Variants in CCNP observed in about 807,000 individuals in gnomAD.
CCNP encodes the protein cyclin P.
CCNP carries 18 observed loss-of-function variants against 19.6 expected under a neutral mutation model. That is an observed-to-expected ratio of 0.92 (90% CI 0.64 to 1.36). The LOEUF is 1.36. Ranked by LOEUF, CCNP falls within the 40% of genes most tolerant of loss-of-function variation. CCNP has a pLI of 0.00. For missense variants in CCNP, 440 were observed against 424.4 expected (o/e 1.04, Z -0.32); for synonymous variants, 228 against 194.9 (o/e 1.17, Z -1.41).
Position 40,226,441 on chromosome 19 carries a change from C to G in CCNP, c.201G>C (p.Glu67Asp). Residue 67 changes from glutamate (E) to aspartate (D), a missense_variant, in exon 1 of 5, where the codon GAG (glutamate) becomes GAC (aspartate). Physicochemically the swap from Glu to Asp is conservative, Grantham distance 45. Coordinates refer to ENST00000430325, the MANE Select transcript of CCNP (RefSeq NM_024877.4). ...CCTGCAGCCCCAGCGCGCTCAGCGC[C>G]TCCTCCAGCCCCGGCGGCCTCGCCA... ...RRLARPPGLE[E>D]ALSALGLQGE... is the part of the protein sequence containing the mutation. The G allele has an allele frequency of 6.2e-7, 1 of 1,609,126 alleles. No homozygotes were observed. The highest frequency in any genetic ancestry group is 1.1e-5 in the South Asian group (1 of 90,978).
Position 40,224,808 on chromosome 19 carries a change from A to C in CCNP, c.271T>G (p.Cys91Gly). The change falls in exon 2 of 5, where the codon TGC (cysteine) becomes GGC (glycine). Residue 91 changes from cysteine to glycine, a missense_variant. Transcript: ENST00000430325. ...AGGGCTCTCAGGGGCAGCACGCGGCACACCTGGGGTTGGGGCAGGGACGCT... is the reference window on the plus strand; with the variant it reads ...AGGGCTCTCAGGGGCAGCACGCGGCCCACCTGGGGTTGGGGCAGGGACGCT... Reference protein sequence around the residue: ...AGDIFAEVMVCRVLPLRALPR... With the variant: ...AGDIFAEVMVGRVLPLRALPR... 1 of 1,551,710 alleles carries C rather than the reference A, an allele frequency of 6.4e-7. No homozygotes were observed. Among genetic ancestry groups the C allele is most frequent in the Admixed American group, 2.0e-5 (1 of 50,996 alleles).
In CCNP at chr19:40,226,505, T is replaced by G; in HGVS notation, c.137A>C (p.Asp46Ala). 6.3e-7 allele frequency: 1 copy of G among 1,599,440 alleles called. No homozygotes were observed. Among genetic ancestry groups the G allele is most frequent in the Non-Finnish European group, 8.5e-7 (1 of 1,174,344 alleles). The change falls in exon 1 of 5, where the codon GAC (aspartate) becomes GCC (alanine). Residue 46 changes from aspartate to alanine, a missense_variant. Physicochemically the swap from Asp to Ala is moderately radical, Grantham distance 126. Transcript: ENST00000430325. ...GACAGTGGGGCCCGCGGGGAAGCCG[T>G]CGGGGACTGCGGCGCTTGAAGGCTC... ...DAEPSSAAVPDGFPAGPTVSP... is the reference protein window; with the variant it reads ...DAEPSSAAVPAGFPAGPTVSP...
At chr19:40,225,996 C>T (rs1197736686) in intron 1 of CCNP, among the ~76,000 whole-genome samples, 1 of 152,192 alleles carries the variant, frequency 6.6e-6, no homozygotes, top group Non-Finnish European at 1.5e-5. Flanking sequence ...GTTTGCGTGG[C>T]CTTTCCCTAG....
At position 40,223,490 on chromosome 19, in the gene CCNP, G is replaced by A. The variant is rs746111929; in HGVS notation, c.570C>T (p.Arg190=). ...ADSFSRAELL[R]AERRILSRLD... is the part of the protein sequence containing the mutation. ...GGCGGCTCAGGATGCGACGCTCGGCGCGCAGCAGCTCCGCCCGTGAGAAGG... is the reference window on the plus strand; with the variant it reads ...GGCGGCTCAGGATGCGACGCTCGGCACGCAGCAGCTCCGCCCGTGAGAAGG... Residue 190 remains arginine (R), a synonymous_variant, in exon 4 of 5, where the codon CGC becomes CGT. Transcript: ENST00000430325. The A allele has an allele frequency of 1.2e-6, 2 of 1,610,280 alleles. No homozygotes were observed. The highest frequency in any genetic ancestry group is 1.3e-5 in the African/African-American group (1 of 74,864).
rs371542711 is a variant in CCNP at position 40,222,442 on chromosome 19, G to A, written c.*610C>T. On this transcript the variant is annotated 3_prime_UTR_variant, in exon 5 of 5. Transcript: ENST00000430325. The stretch of plus-strand genomic sequence containing the variant: ...GACCTCGGAGCGCAGCGCGGGCCAT[G>A]CACGGCTCGAGGGTGCCCAGTTCCT... 627 of 398,784 alleles carry A rather than the reference G, an allele frequency of 1.6e-3. No individual in the cohort carries two copies. The highest frequency in any genetic ancestry group is 5.0e-3 in the Middle Eastern group (8 of 1,590). The allele number at this position is 398,784 out of a possible 1,614,324, so 24.7% of individuals were successfully genotyped here. A position where few individuals can be genotyped will look rare whatever the true frequency, so the allele number is the denominator to read the frequency against.
intron 1 of CCNP, 158 bp from the exon 2 acceptor site, chr19:40,224,969 A>C: frequency 1.6e-6 from 1 of 633,090 alleles, no homozygotes; most frequent in Non-Finnish European, 2.7e-6. Flanking sequence ...ACGTGTCCTC[A>C]CCTAGAACTC....
intron 1 of CCNP, chr19:40,225,062 CT>C (rs11301448): frequency 0.54 from 202,772 of 372,342 alleles, 38,240 homozygotes; most frequent in African/African-American, 0.75. Flanking sequence ...CCAGACTTCA[CT>C]TTTTTTTTTT....
In CCNP at chr19:40,223,428, C is replaced by A; in HGVS notation, c.632G>T (p.Cys211Phe). ...TGCCAGCGCGGCCAGCAGCCCGAGG[C>A]ACAGCAGCGGGCCGGGGTGGTGCAG... ...FRLHHPGPLL[C>F]LGLLAALAGS... Residue 211 changes from cysteine (C) to phenylalanine (F), a missense_variant, in exon 4 of 5, where the codon TGC becomes TTC. Coordinates refer to ENST00000430325, the MANE Select transcript of CCNP (RefSeq NM_024877.4). 6.2e-7 allele frequency: 1 copy of A among 1,600,718 alleles called. No homozygotes were observed. Among genetic ancestry groups the A allele is most frequent in the South Asian group, 1.1e-5 (1 of 90,120 alleles).
Position 40,226,458 on chromosome 19 carries a change from G to T in CCNP, c.184C>A (p.Pro62Thr). 1 of 1,608,050 alleles carries T rather than the reference G, an allele frequency of 6.2e-7. No individual in the cohort carries two copies. The change falls in exon 1 of 5, where the codon CCG becomes ACG. Residue 62 changes from proline (P) to threonine (T), a missense_variant. Pro to Thr is a conservative substitution (Grantham distance 38). Coordinates refer to ENST00000430325, the MANE Select transcript of CCNP (RefSeq NM_024877.4). ...CTCAGCGCCTCCTCCAGCCCCGGCG[G>T]CCTCGCCAGGCGTCTTGGGGAGACA... Reference protein sequence around the residue: ...PTVSPRRLARPPGLEEALSAL... With the variant: ...PTVSPRRLARTPGLEEALSAL...
Position 40,223,138 on chromosome 19 carries a change from C to T in CCNP, c.838G>A (p.Gly280Arg), listed in dbSNP as rs1973474826. Residue 280 changes from glycine to arginine, a missense_variant, in exon 5 of 5, where the codon GGA becomes AGA. Coordinates refer to ENST00000430325, the MANE Select transcript of CCNP (RefSeq NM_024877.4). Reference protein sequence around the residue: ...QPELYRCSLGGGSVWGHRSFR... With the variant: ...QPELYRCSLGRGSVWGHRSFR... ...CTGCGGTGACCCCATACACTTCCTC[C>T]GCCAAGACTACACCTGTAAAGTTCT... is the stretch of plus-strand genomic sequence containing the variant. The T allele has an allele frequency of 2.6e-6, 4 of 1,551,348 alleles. No homozygotes were observed. The highest frequency in any genetic ancestry group is 2.0e-5 in the Admixed American group (1 of 50,962).
At position 40,224,717 on chromosome 19, in the gene CCNP, C is replaced by T. The variant is rs1568501833; in HGVS notation, c.357+5G>A. 1 of 1,580,878 alleles carries T rather than the reference C, an allele frequency of 6.3e-7. No homozygotes were observed. ...TCAGCCCCCCACACCCTTCCAGATACCTACGTGCACCTGGACCAGCCAGTC... is the reference window on the plus strand; with the variant it reads ...TCAGCCCCCCACACCCTTCCAGATATCTACGTGCACCTGGACCAGCCAGTC... On this transcript the variant is annotated splice_donor_5th_base_variant and intron_variant, in intron 2 of 4. Coordinates refer to ENST00000430325, the MANE Select transcript of CCNP (RefSeq NM_024877.4).
Position 40,224,731 on chromosome 19 carries a change from G to C in CCNP, c.348C>G (p.Val116=). 2 of 1,568,348 alleles carry C rather than the reference G, an allele frequency of 1.3e-6. No homozygotes were observed. Among genetic ancestry groups the C allele is most frequent in the Non-Finnish European group, 1.7e-6 (2 of 1,157,972 alleles). The change falls in exon 2 of 5, where the codon GTC becomes GTG. Residue 116 remains valine, a synonymous_variant. Coordinates refer to ENST00000430325, the MANE Select transcript of CCNP (RefSeq NM_024877.4). The stretch of plus-strand genomic sequence containing the variant: ...CCTTCCAGATACCTACGTGCACCTG[G>C]ACCAGCCAGTCTACCACCAGGGCGC... ...EMRALVVDWL[V]QVHEYLGLAG...
chr19:40,222,963 T>A lies in CCNP; in HGVS notation c.*89A>T. ...GACTATCTTCCACTCTGGGGCAAGGTTAAGAGACCCCAGATCTGGACTAAT... is the reference window on the plus strand; with the variant it reads ...GACTATCTTCCACTCTGGGGCAAGGATAAGAGACCCCAGATCTGGACTAAT... On this transcript the variant is annotated 3_prime_UTR_variant, in exon 5 of 5. Coordinates refer to ENST00000430325, the MANE Select transcript of CCNP (RefSeq NM_024877.4). The A allele has an allele frequency of 1.3e-6, 1 of 749,754 alleles. No individual in the cohort carries two copies. The highest frequency in any genetic ancestry group is 2.2e-6 in the Non-Finnish European group (1 of 461,668). The allele number at this position is 749,754 out of a possible 1,614,324, so 46.4% of individuals were successfully genotyped here.
chr19:40,226,499 A>C lies in CCNP; in HGVS notation c.143T>G (p.Phe48Cys). Residue 48 changes from phenylalanine (F) to cysteine (C), a missense_variant, in exon 1 of 5, where the codon TTC (phenylalanine) becomes TGC (cysteine). By Grantham distance (205) the Phe-to-Cys change is radical. Coordinates refer to ENST00000430325, the MANE Select transcript of CCNP (RefSeq NM_024877.4). ...TGGGGAGACAGTGGGGCCCGCGGGG[A>C]AGCCGTCGGGGACTGCGGCGCTTGA... ...EPSSAAVPDG[F>C]PAGPTVSPRR... The C allele has an allele frequency of 6.2e-7, 1 of 1,601,292 alleles. No homozygotes were observed. The highest frequency in any genetic ancestry group is 8.5e-7 in the Non-Finnish European group (1 of 1,175,206).
chr19:40,223,646 G>C, intron 3 of CCNP, 100 bp from the exon 4 acceptor site: 1 of 1,547,626 alleles, frequency 6.5e-7, no homozygotes, highest in Non-Finnish European at 8.9e-7. Context: ...CAGTTTCCTG[G>C]TGTGTAAAAT....
At chr19:40,224,386 G>T in intron 3 of CCNP, 102 bp downstream of exon 3, 1 of 1,316,010 alleles carries the variant, frequency 7.6e-7, no homozygotes, top group Non-Finnish European at 1.1e-6. Flanking sequence ...CATACATGTT[G>T]GGAATCCCAG....
In CCNP at chr19:40,224,739, A is replaced by G. The variant is rs759579240; in HGVS notation, c.340T>C (p.Trp114Arg). 1.9e-6 allele frequency: 3 copies of G among 1,575,106 alleles called. No homozygotes were observed. Among genetic ancestry groups the G allele is most frequent in the African/African-American group, 2.7e-5 (2 of 73,818 alleles). The change falls in exon 2 of 5, where the codon TGG becomes CGG. Residue 114 changes from tryptophan to arginine, a missense_variant. Coordinates refer to ENST00000430325, the MANE Select transcript of CCNP (RefSeq NM_024877.4). ...ATACCTACGTGCACCTGGACCAGCC[A>G]GTCTACCACCAGGGCGCGCATCTCC... ...TPEMRALVVD[W>R]LVQVHEYLGL... is the part of the protein sequence containing the mutation.
At position 40,223,517 on chromosome 19, in the gene CCNP, G is replaced by A. The variant is rs772745338; in HGVS notation, c.543C>T (p.Asp181=). 12 of 1,606,278 alleles carry A rather than the reference G, an allele frequency of 7.5e-6. No homozygotes were observed. In the South Asian group the frequency reaches 1.2e-4, roughly 16 times the overall value. Residue 181 remains aspartate, a synonymous_variant, in exon 4 of 5, where the codon GAC becomes GAT. Transcript: ENST00000430325. ...GCAGCAGCTCCGCCCGTGAGAAGGA[G>A]TCCGCGCTCAGGAGGCAGAGGAAGG... ...EPAFLCLLSA[D]SFSRAELLRA...
At chr19:40,225,351 A>G (rs2145118933) in intron 1 of CCNP, among the ~76,000 whole-genome samples, 1 of 151,920 alleles carries the variant, frequency 6.6e-6, no homozygotes, top group East Asian at 1.9e-4. Context: ...GAGCCACTGC[A>G]CCCGGCCTCA....
Sources: gnomAD v4.1 joint callset for allele counts (sites outside exome capture counted in the v4.1 genomes callset) on GRCh38, gnomAD v4.1.1 for gene constraint, MANE v1.5 for transcripts, NCBI Gene and HGNC (gene_info 2026-07-23, HGNC 2026-07-21) for gene names.